Variants in BZW1 observed in about 807,000 individuals in gnomAD.
BZW1 encodes basic leucine zipper and W2 domains 1, also known as eIF5-mimic protein 2.
BZW1 carries 3 observed loss-of-function variants against 54.1 expected under a neutral mutation model. That is an observed-to-expected ratio of 0.06 (90% CI 0.03 to 0.14). The LOEUF (loss-of-function observed/expected upper bound fraction) is 0.14. Among genes scored for constraint, BZW1 ranks in the 10% least tolerant of loss-of-function variants. The probability of loss-of-function intolerance (pLI) is 1.00; values close to 1 mark genes in which losing one functional copy is unlikely to be tolerated. For synonymous variants in BZW1, 152 were observed against 162.7 expected (o/e 0.93, Z 0.50); for missense variants, 206 against 491.7 (o/e 0.42, Z 5.50).
rs1396951834 is a variant in BZW1 at position 200,822,239 on chromosome 2, T to C, written c.*61T>C. 1.4e-6 allele frequency: 2 copies of C among 1,423,388 alleles called. No individual in the cohort carries two copies. The highest frequency in any genetic ancestry group is 1.9e-5 in the Admixed American group (1 of 51,840). 88.2% of individuals were successfully genotyped at this position (1,423,388 alleles called of 1,614,324 possible). Reference sequence around the variant, plus strand: ...GTTGTAGATAAAATGTCATGTCTCATGTGTCCTGGTTCTTACATCTTCCTA... The same window carrying C: ...GTTGTAGATAAAATGTCATGTCTCACGTGTCCTGGTTCTTACATCTTCCTA... On this transcript the variant is annotated 3_prime_UTR_variant, in exon 12 of 12. Transcript: ENST00000409600.
intron 1 of BZW1, chr2:200,812,910 G>A (rs1237395221): frequency 3.0e-6 from 2 of 660,092 alleles, no homozygotes; most frequent in African/African-American, 3.6e-5. Context: ...AGAGGAATGT[G>A]GAGAAAACTG....
rs2038264950 is a variant in BZW1 at position 200,815,774 on chromosome 2, T to A, written c.336+13T>A. On this transcript the variant is annotated intron_variant, in intron 4 of 11. Transcript: ENST00000409600. Reference sequence around the variant, plus strand: ...AGCATTTGCTCAGGTAAATGAAACTTTACATAATTGTTTTCAGTTGGCTAC... The same window carrying A: ...AGCATTTGCTCAGGTAAATGAAACTATACATAATTGTTTTCAGTTGGCTAC... The A allele has an allele frequency of 2.6e-6, 4 of 1,530,810 alleles. No homozygotes were observed. The highest frequency in any genetic ancestry group is 3.5e-6 in the Non-Finnish European group (4 of 1,139,360). The allele number at this position is 1,530,810 out of a possible 1,614,324, so 94.8% of individuals were successfully genotyped here.
intron 7 of BZW1, 33 bp downstream of exon 7, chr2:200,818,116 G>T: frequency 6.5e-7 from 1 of 1,530,414 alleles, no homozygotes. Flanking sequence ...TCCCATTCTT[G>T]CCAAGGATGT....
intron 2 of BZW1, among the ~76,000 whole-genome samples, chr2:200,814,294 G>T (rs1559309864): frequency 6.6e-6 from 1 of 152,212 alleles, no homozygotes; most frequent in Admixed American, 6.5e-5. Flanking sequence ...AACTTCCCCG[G>T]TTCCAGATAG....
chr2:200,816,545 G>A (rs1314255464), intron 5 of BZW1, among the ~76,000 whole-genome samples, 155 bp downstream of exon 5: 1 of 152,228 alleles, frequency 6.6e-6, no homozygotes, highest in African/African-American at 2.4e-5. Context: ...GGCTGGGGGT[G>A]CAGTGGCTCA....
intron 1 of BZW1, chr2:200,812,357 C>A: frequency 1.6e-6 from 2 of 1,280,324 alleles, no homozygotes; most frequent in Non-Finnish European, 2.0e-6. Flanking sequence ...CTGCCACCCA[C>A]CACCGCTGCG....
intron 1 of BZW1, chr2:200,812,459 CG>C: frequency 7.5e-7 from 1 of 1,339,258 alleles, no homozygotes; most frequent in Non-Finnish European, 9.6e-7. Context: ...GACTGTGGTC[CG>C]CTCGTTGCGG....
intron 2 of BZW1, among the ~76,000 whole-genome samples, chr2:200,814,654 T>C (rs184862465): frequency 6.6e-6 from 1 of 152,334 alleles, no homozygotes; most frequent in East Asian, 1.9e-4. Context: ...GTAGGGGAAT[T>C]CTGGCATGGC....
intron 3 of BZW1, 31 bp downstream of exon 3, chr2:200,815,548 T>TA: frequency 6.2e-7 from 1 of 1,611,972 alleles, no homozygotes; most frequent in Non-Finnish European, 8.5e-7. Context: ...GGCTTAATAA[T>TA]TTAGAAAGGT....
At chr2:200,822,058 G>C in intron 11 of BZW1, 89 bp from the exon 12 acceptor site, 1 of 1,226,164 alleles carries the variant, frequency 8.2e-7, no homozygotes, top group Non-Finnish European at 1.2e-6. Context: ...GACAGAGGGA[G>C]ACTCTGTCTT....
intron 2 of BZW1, 104 bp downstream of exon 2, chr2:200,813,385 A>G: frequency 9.7e-7 from 1 of 1,025,948 alleles, no homozygotes; most frequent in Non-Finnish European, 1.4e-6. Context: ...TCAAAAGAAG[A>G]TACCAGAAAG....
At chr2:200,817,426 C>T (rs1445053025) in intron 6 of BZW1, among the ~76,000 whole-genome samples, 185 bp downstream of exon 6, 1 of 152,106 alleles carries the variant, frequency 6.6e-6, no homozygotes, top group Non-Finnish European at 1.5e-5. Context: ...TAATGGCTTT[C>T]TTTAGGCATA....
chr2:200,819,996 A>G lies in BZW1; in HGVS notation c.981A>G (p.Leu327=), dbSNP rs762201368. Residue 327 remains leucine, a synonymous_variant, in exon 10 of 12, where the codon CTA becomes CTG. Coordinates refer to ENST00000409600, the MANE Select transcript of BZW1 (RefSeq NM_001207067.2). ...TCCTTTAAAAGCAATACAGCCCTCT[A>G]CTTGCTGCCTTTACTACTCAAGGTC... ...AIKHLKQYSP[L]LAAFTTQGQS... is the part of the protein sequence containing the mutation. 9.2e-6 allele frequency: 14 copies of G among 1,521,004 alleles called. No homozygotes were observed. The highest frequency in any genetic ancestry group is 1.4e-5 in the African/African-American group (1 of 71,554). The allele number at this position is 1,521,004 out of a possible 1,614,324, so 94.2% of individuals were successfully genotyped here.
At chr2:200,812,604 G>A in intron 1 of BZW1, 7 of 1,376,726 alleles carry the variant, frequency 5.1e-6, no homozygotes, top group Non-Finnish European at 6.7e-6. Flanking sequence ...GAAGGGTGTG[G>A]ATTGGGAGAC....
intron 6 of BZW1, 78 bp from the exon 7 acceptor site, chr2:200,817,896 G>T: frequency 1.0e-6 from 1 of 994,128 alleles, no homozygotes. Context: ...ATTGAACTAT[G>T]AAGGGAAGGA....
Position 200,818,686 on chromosome 2 carries a change from A to G in BZW1, c.820-69A>G, listed in dbSNP as rs1272220584. ...AGTTGTTAGTTTTTGTTAAAGGTCT[A>G]AACTTGATGTGTGAAGTATGTACAT... On this transcript the variant is annotated intron_variant, in intron 8 of 11. Transcript: ENST00000409600. 2.5e-5 allele frequency: 37 copies of G among 1,505,776 alleles called. No individual in the cohort carries two copies. In the South Asian group the frequency reaches 2.9e-4, roughly 12 times the overall value. The allele number at this position is 1,505,776 out of a possible 1,614,324, so 93.3% of individuals were successfully genotyped here.
At position 200,825,638 on chromosome 2, in the gene BZW1, C is replaced by T. The variant is rs2038671875; in HGVS notation, c.*3460C>T. 6.6e-6 allele frequency: 1 copy of T among 152,164 alleles called. No individual in the cohort carries two copies. Among genetic ancestry groups the T allele is most frequent in the Non-Finnish European group, 1.5e-5 (1 of 68,038 alleles). 9.4% of individuals were successfully genotyped at this position (152,164 alleles called of 1,614,324 possible). A position where few individuals can be genotyped will look rare whatever the true frequency, so the allele number is the denominator to read the frequency against. On this transcript the variant is annotated 3_prime_UTR_variant, in exon 12 of 12. Coordinates refer to ENST00000409600, the MANE Select transcript of BZW1 (RefSeq NM_001207067.2). ...CTTTCAAGGTCTTAACAGATTCTTT[C>T]TTGATTATAAATGTATTACTAAGTA...
At chr2:200,820,192 T>G in intron 10 of BZW1, 72 bp downstream of exon 10, 1 of 1,283,708 alleles carries the variant, frequency 7.8e-7, no homozygotes, top group Non-Finnish European at 1.1e-6. Flanking sequence ...ATCCAAATGA[T>G]GAGTTATCTG....
At chr2:200,816,942 GC>G (rs2038318274) in intron 5 of BZW1, among the ~76,000 whole-genome samples, 163 bp from the exon 6 acceptor site, 2 of 152,182 alleles carry the variant, frequency 1.3e-5, no homozygotes, top group South Asian at 4.1e-4. Context: ...TAAGTAACTT[GC>G]CCGAGATCAT....
Sources: gnomAD v4.1 joint callset for allele counts (sites outside exome capture counted in the v4.1 genomes callset) on GRCh38, gnomAD v4.1.1 for gene constraint, MANE v1.5 for transcripts, NCBI Gene and HGNC (gene_info 2026-07-23, HGNC 2026-07-21) for gene names.